The following PTPRT variants were observed in gnomAD, a reference collection of about 807,000 sequenced individuals.
The protein encoded by PTPRT is receptor-type tyrosine-protein phosphatase T.
A neutral mutation model predicts 176.8 loss-of-function variants in PTPRT; 56 were observed. The observed-to-expected ratio is 0.32, with a 90% CI of 0.26 to 0.40. The LOEUF (loss-of-function observed/expected upper bound fraction) is 0.40, where lower values mean the gene tolerates loss of function less well. PTPRT is among the 10% of genes least tolerant of loss of function. The pLI is 1.00. For synonymous variants in PTPRT, 783 were observed against 739.0 expected (o/e 1.06, Z -0.96); for missense variants, 1,540 against 1,908.2 (o/e 0.81, Z 3.60).
chr20:42,763,822 T>C (rs370524224), intron 5 of PTPRT, among the ~76,000 whole-genome samples: 2 of 152,182 alleles, frequency 1.3e-5, no homozygotes, highest in East Asian at 1.9e-4. Flanking sequence ...CCAAGAGCCC[T>C]CTATGTACGT....
chr20:42,996,228 C>G (rs1314247086), intron 1 of PTPRT, among the ~76,000 whole-genome samples: 1 of 152,170 alleles, frequency 6.6e-6, no homozygotes, highest in East Asian at 1.9e-4. Context: ...TGAGCAACTT[C>G]TATATGTCTG....
At chr20:42,541,851 T>TA (rs1489835456) in intron 7 of PTPRT, among the ~76,000 whole-genome samples, 14 of 149,942 alleles carry the variant, frequency 9.3e-5, no homozygotes, top group Non-Finnish European at 1.9e-4. Flanking sequence ...ATTAAAATTT[T>TA]AAAAAAATCT....
chr20:42,451,995 G>C (rs891577157), intron 8 of PTPRT, among the ~76,000 whole-genome samples: 1 of 152,158 alleles, frequency 6.6e-6, no homozygotes, highest in Non-Finnish European at 1.5e-5. Flanking sequence ...TAGAGGCTGG[G>C]CTTGGTGGCC....
chr20:42,699,113 A>G (rs1176184678), intron 6 of PTPRT, among the ~76,000 whole-genome samples: 1 of 152,196 alleles, frequency 6.6e-6, no homozygotes, highest in East Asian at 1.9e-4. Context: ...CACAGTCTCA[A>G]GGGACCAGTG....
rs570491634 is a variant in PTPRT at position 42,179,086 on chromosome 20, G to A, written c.2492-17544C>T. Among the ~76,000 whole-genome samples the A allele has an allele frequency of 4.5e-4, 68 of 152,248 alleles. 2 individuals are homozygous for A. The highest frequency in any genetic ancestry group is 1.6e-3 in the African/African-American group (66 of 41,542). On this transcript the variant is annotated intron_variant, in intron 16 of 30. Coordinates refer to ENST00000373187, the MANE Select transcript of PTPRT (RefSeq NM_007050.6). ...GTGGCATAGGAGGCAGGGATCATTG[G>A]GGCCATCTTAAAGTTTGCCAACCAC...
At chr20:42,742,190 C>T (rs1230713438) in intron 6 of PTPRT, among the ~76,000 whole-genome samples, 1 of 152,188 alleles carries the variant, frequency 6.6e-6, no homozygotes, top group Non-Finnish European at 1.5e-5. Context: ...CGCAGCAAAC[C>T]TGCTTCTGAT....
intron 6 of PTPRT, among the ~76,000 whole-genome samples, chr20:42,712,351 T>C (rs1313098314): frequency 6.6e-6 from 1 of 152,066 alleles, no homozygotes. Flanking sequence ...GAAGCAAACA[T>C]TATGTAGCAG....
chr20:42,361,644 T>A (rs546765109), intron 9 of PTPRT, among the ~76,000 whole-genome samples: 19 of 152,214 alleles, frequency 1.2e-4, no homozygotes, highest in Non-Finnish European at 1.8e-4. Context: ...ATGCTCTAGA[T>A]TGACAGCCCC....
intron 12 of PTPRT, among the ~76,000 whole-genome samples, chr20:42,302,064 T>C (rs6093612): frequency 0.022 from 3,349 of 152,256 alleles, 121 homozygotes; most frequent in African/African-American, 0.078. Flanking sequence ...ATGAGTGACA[T>C]TGGGTACATT....
chr20:42,283,180 G>T (rs2057169399), intron 12 of PTPRT, among the ~76,000 whole-genome samples: 1 of 152,030 alleles, frequency 6.6e-6, no homozygotes, highest in South Asian at 2.1e-4. Context: ...GATGTTGCTG[G>T]GCACACAGTG....
chr20:43,061,206 C>T (rs1987447980), intron 1 of PTPRT, among the ~76,000 whole-genome samples: 1 of 152,072 alleles, frequency 6.6e-6, no homozygotes, highest in South Asian at 2.1e-4. Flanking sequence ...AAAATTAATT[C>T]CTCTTAACTC....
intron 1 of PTPRT, among the ~76,000 whole-genome samples, chr20:42,914,594 G>C (rs1053494726): frequency 3.3e-5 from 5 of 152,182 alleles, no homozygotes; most frequent in African/African-American, 4.8e-5. Context: ...AAAGGCTACA[G>C]AATGCATGGT....
chr20:42,456,276 C>A (rs1375531813), intron 8 of PTPRT, among the ~76,000 whole-genome samples: 1 of 151,788 alleles, frequency 6.6e-6, no homozygotes, highest in Non-Finnish European at 1.5e-5. Context: ...TATATTAATT[C>A]TAATAATTTG....
chr20:43,064,394 T>C (rs867222713), intron 1 of PTPRT, among the ~76,000 whole-genome samples: 1 of 152,278 alleles, frequency 6.6e-6, no homozygotes, highest in South Asian at 2.1e-4. Flanking sequence ...AAATCTTTAT[T>C]ATATTAAGAC....
At chr20:42,647,111 G>A (rs1176399606) in intron 7 of PTPRT, among the ~76,000 whole-genome samples, 1 of 151,562 alleles carries the variant, frequency 6.6e-6, no homozygotes. Flanking sequence ...TGTCAGGGCT[G>A]GTCTCCAACT....
chr20:42,754,146 CCT>C (rs1004832252), intron 6 of PTPRT, among the ~76,000 whole-genome samples: 2 of 152,046 alleles, frequency 1.3e-5, no homozygotes, highest in African/African-American at 4.8e-5. Context: ...TGCAATAACC[CCT>C]GTGTCACATA....
Position 43,122,568 on chromosome 20 carries a change from C to T in PTPRT, c.88+67078G>A, listed in dbSNP as rs1056060270. On this transcript the variant is annotated intron_variant, in intron 1 of 30. Transcript: ENST00000373187. Reference sequence around the variant, plus strand: ...GGCAGATCCCTTATGTATGGTTTAGCGCCATCCACTTGTTAACGAGTGAGT... The same window carrying T: ...GGCAGATCCCTTATGTATGGTTTAGTGCCATCCACTTGTTAACGAGTGAGT... 6.6e-5 allele frequency among the ~76,000 whole-genome samples: 10 copies of T among 152,150 alleles called. No homozygotes were observed. In the East Asian group the frequency reaches 7.7e-4, roughly 12 times the overall value.
the PTPRT span, among the ~76,000 whole-genome samples, chr20:42,041,536 C>T: frequency 6.6e-6 from 1 of 152,028 alleles, no homozygotes; most frequent in African/African-American, 2.4e-5. Context: ...ATTGTTCAGC[C>T]CCTTAACATT....
chr20:43,006,120 T>C (rs1043152536), intron 1 of PTPRT, among the ~76,000 whole-genome samples: 1 of 152,224 alleles, frequency 6.6e-6, no homozygotes, highest in African/African-American at 2.4e-5. Flanking sequence ...TTGTCTTCTT[T>C]CATATATTTC....
Sources: allele counts gnomAD v4.1 joint callset (sites outside exome capture counted in the v4.1 genomes callset), GRCh38; gene constraint gnomAD v4.1.1; transcripts MANE v1.5; gene names NCBI Gene and HGNC (gene_info 2026-07-23, HGNC 2026-07-21).